TENM3: variants seen among roughly 807,000 people sequenced by gnomAD.
The protein encoded by TENM3 is teneurin transmembrane protein 3, also known as teneurin-3.
A neutral mutation model predicts 255.1 loss-of-function variants in TENM3; 63 were observed. That is an observed-to-expected ratio of 0.25 (90% confidence interval 0.20 to 0.30). The LOEUF (loss-of-function observed/expected upper bound fraction) is 0.30, where lower values mean the gene tolerates loss of function less well. Among genes scored for constraint, TENM3 ranks in the 10% least tolerant of loss-of-function variants. TENM3 has a pLI of 1.00. For synonymous variants in TENM3, 1,306 were observed against 1,322.3 expected (o/e 0.99, Z 0.27); for missense variants, 2,929 against 3,461.1 (o/e 0.85, Z 3.86).
chr4:181,638,606 G>A, the TENM3 span, among the ~76,000 whole-genome samples: 1 of 152,176 alleles, frequency 6.6e-6, no homozygotes, highest in Admixed American at 6.5e-5. Context: ...AATTCATTAT[G>A]AGAGCAGAGA....
At chr4:181,770,603 A>T in the TENM3 span, among the ~76,000 whole-genome samples, 1 of 139,078 alleles carries the variant, frequency 7.2e-6, no homozygotes, top group Non-Finnish European at 1.5e-5. Flanking sequence ...TGAACCTGGG[A>T]GGTGGAGCTT....
chr4:182,416,803 G>T (rs1412392897), intron 3 of TENM3, among the ~76,000 whole-genome samples: 2 of 152,148 alleles, frequency 1.3e-5, no homozygotes, highest in Admixed American at 1.3e-4. Context: ...CATTGCTTAA[G>T]AAACACCAAA....
At chr4:181,892,178 C>T in the TENM3 span, among the ~76,000 whole-genome samples, 1 of 152,128 alleles carries the variant, frequency 6.6e-6, no homozygotes, top group African/African-American at 2.4e-5. Context: ...AAGACACTTC[C>T]TACTTCAATG....
At chr4:181,994,489 C>T in the TENM3 span, among the ~76,000 whole-genome samples, 18 of 150,874 alleles carry the variant, frequency 1.2e-4, no homozygotes, top group African/African-American at 4.1e-4. Flanking sequence ...GAAATATCAG[C>T]TTCTATTGTT....
the TENM3 span, among the ~76,000 whole-genome samples, chr4:181,582,547 T>G: frequency 6.6e-6 from 1 of 151,178 alleles, no homozygotes; most frequent in Non-Finnish European, 1.5e-5. Context: ...CTCGGGAGGC[T>G]GGGGCAGGAG....
the TENM3 span, among the ~76,000 whole-genome samples, chr4:181,668,963 G>T: frequency 6.6e-6 from 1 of 152,028 alleles, no homozygotes; most frequent in Non-Finnish European, 1.5e-5. Context: ...CTTGAAAATG[G>T]AATCATAGAT....
At chr4:182,126,945 T>C in the TENM3 span, among the ~76,000 whole-genome samples, 1 of 152,148 alleles carries the variant, frequency 6.6e-6, no homozygotes, top group Non-Finnish European at 1.5e-5. Context: ...TAGCCACAAA[T>C]CACCAATCTA....
chr4:182,416,505 C>A (rs55634787), intron 3 of TENM3, among the ~76,000 whole-genome samples: 45 of 150,836 alleles, frequency 3.0e-4, no homozygotes, highest in African/African-American at 9.9e-4. Context: ...ATCAAGCTGT[C>A]TCATGATTGT....
At chr4:182,576,154 G>A (rs1744895416) in intron 3 of TENM3, among the ~76,000 whole-genome samples, 1 of 152,146 alleles carries the variant, frequency 6.6e-6, no homozygotes, top group South Asian at 2.1e-4. Context: ...GTCACATCAT[G>A]AGCAGTTTGA....
chr4:181,948,032 C>G, the TENM3 span, among the ~76,000 whole-genome samples: 1 of 152,218 alleles, frequency 6.6e-6, no homozygotes, highest in Non-Finnish European at 1.5e-5. Context: ...CTTGCAGCTT[C>G]TTCTCTGAGA....
At chr4:182,469,948 C>T (rs1477801918) in intron 3 of TENM3, among the ~76,000 whole-genome samples, 1 of 152,008 alleles carries the variant, frequency 6.6e-6, no homozygotes, top group African/African-American at 2.4e-5. Context: ...GGAAGAGTTC[C>T]TATAAATTTT....
At chr4:182,188,396 A>G (rs1304903704) in intron 1 of TENM3, among the ~76,000 whole-genome samples, 1 of 152,158 alleles carries the variant, frequency 6.6e-6, no homozygotes. Flanking sequence ...ACATTAAATT[A>G]AACACCTAGA....
chr4:181,448,036 A>G, the TENM3 span, among the ~76,000 whole-genome samples: 1 of 151,860 alleles, frequency 6.6e-6, no homozygotes, highest in African/African-American at 2.4e-5. Context: ...AGAGACGGTG[A>G]AAGAGAGAGA....
intron 16 of TENM3, 79 bp downstream of exon 16, chr4:182,731,218 T>C: frequency 6.8e-7 from 1 of 1,474,272 alleles, no homozygotes; most frequent in Non-Finnish European, 9.2e-7. Flanking sequence ...AAAAATAGGT[T>C]ATAGAGTCCG....
chr4:181,559,080 C>T, the TENM3 span, among the ~76,000 whole-genome samples: 2 of 151,426 alleles, frequency 1.3e-5, no homozygotes, highest in African/African-American at 2.4e-5. Flanking sequence ...TTTAAGGATT[C>T]GACTTGCTTT....
chr4:182,751,188 C>G (rs1762342608), intron 19 of TENM3, among the ~76,000 whole-genome samples: 1 of 152,180 alleles, frequency 6.6e-6, no homozygotes, highest in Admixed American at 6.5e-5. Context: ...CACAGGCCAC[C>G]AACTAAGACT....
At chr4:181,841,866 G>C in the TENM3 span, among the ~76,000 whole-genome samples, 1 of 152,050 alleles carries the variant, frequency 6.6e-6, no homozygotes, top group Admixed American at 6.6e-5. Flanking sequence ...CAAAAATAAG[G>C]CCCCTTGAAT....
chr4:182,331,400 G>A (rs1303835505), intron 2 of TENM3, among the ~76,000 whole-genome samples: 2 of 152,012 alleles, frequency 1.3e-5, no homozygotes, highest in Non-Finnish European at 2.9e-5. Flanking sequence ...ACAAAAGTTA[G>A]CCAGGTGTGG....
chr4:181,498,460 GA>G, the TENM3 span, among the ~76,000 whole-genome samples: 23,999 of 151,944 alleles, frequency 0.16, 2,219 homozygotes, highest in East Asian at 0.33. Context: ...CCTGCTCCCA[GA>G]AAAAAAGGCA....
Sources: gnomAD v4.1 joint callset for allele counts (sites outside exome capture counted in the v4.1 genomes callset) on GRCh38, gnomAD v4.1.1 for gene constraint, MANE v1.5 for transcripts, NCBI Gene and HGNC (gene_info 2026-07-23, HGNC 2026-07-21) for gene names.